Variants in USP32 observed in about 807,000 individuals in gnomAD.
USP32 encodes ubiquitin specific peptidase 32.
USP32 carries 59 observed loss-of-function variants against 204.8 expected under a neutral mutation model. The observed-to-expected ratio is 0.29, with a 90% CI of 0.23 to 0.36. The LOEUF (loss-of-function observed/expected upper bound fraction) is 0.36, where lower values mean the gene tolerates loss of function less well. USP32 is among the 10% of genes least tolerant of loss of function. The pLI is 1.00. For synonymous variants in USP32, 517 were observed against 678.4 expected (o/e 0.76, Z 3.70); for missense variants, 1,160 against 1,946.4 (o/e 0.60, Z 7.60).
chr17:60,303,697 A>G (rs2087646023), intron 2 of USP32, among the ~76,000 whole-genome samples: 3 of 152,210 alleles, frequency 2.0e-5, no homozygotes, highest in Admixed American at 2.0e-4. Context: ...TATATGAAGC[A>G]CTTATGTTTC....
Position 60,226,073 on chromosome 17 carries a change from A to G in USP32, c.1398T>C (p.Ser466=). The G allele has an allele frequency of 6.2e-7, 1 of 1,606,040 alleles. No individual in the cohort carries two copies. Among genetic ancestry groups the G allele is most frequent in the African/African-American group, 1.3e-5 (1 of 74,492 alleles). Residue 466 remains serine, a synonymous_variant, in exon 13 of 34, where the codon TCT becomes TCC. Coordinates refer to ENST00000300896, the MANE Select transcript of USP32 (RefSeq NM_032582.4). ...CAGTTTCTGAGGCTTCAGATGCAGT[A>G]GAAATGTTGTCTGAAAATTTCTCTT... ...TTEEKFSDNI[S]TASEASETAG... is the part of the protein sequence containing the mutation.
At chr17:60,357,701 T>A (rs760865449) in intron 1 of USP32, among the ~76,000 whole-genome samples, 6 of 152,226 alleles carry the variant, frequency 3.9e-5, no homozygotes, top group Admixed American at 6.5e-5. Context: ...TGAAGCTGAA[T>A]TAATCTCTGG....
chr17:60,301,708 GA>G lies in USP32; in HGVS notation c.187-5del. 2.5e-6 allele frequency: 4 copies of G among 1,574,624 alleles called. No individual in the cohort carries two copies. The South Asian group carries it at 3.6e-5, about 14-fold the overall frequency. On this transcript the variant is annotated splice_region_variant and splice_polypyrimidine_tract_variant and intron_variant, in intron 2 of 33. Coordinates refer to ENST00000300896, the MANE Select transcript of USP32 (RefSeq NM_032582.4). The stretch of plus-strand genomic sequence containing the variant: ...CACCAAAAGAACAGTAAATCACCTG[GA>G]AAAAGATGATAAAGCCAACCTTAGG...
At chr17:60,231,114 A>T (rs986976157) in intron 12 of USP32, among the ~76,000 whole-genome samples, 6 of 152,184 alleles carry the variant, frequency 3.9e-5, no homozygotes, top group Non-Finnish European at 8.8e-5. Context: ...ATTTTAATAT[A>T]AGAGAATTTT....
intron 1 of USP32, among the ~76,000 whole-genome samples, chr17:60,389,636 G>A (rs1211110317): frequency 2.0e-5 from 3 of 151,942 alleles, no homozygotes; most frequent in Non-Finnish European, 2.9e-5. Flanking sequence ...AAAGAAGGGG[G>A]CTTCTGGTTT....
chr17:60,183,988 T>A (rs1243444041), intron 30 of USP32, among the ~76,000 whole-genome samples: 3 of 152,276 alleles, frequency 2.0e-5, no homozygotes, highest in Middle Eastern at 3.4e-3. Flanking sequence ...CAATTTTTTT[T>A]AAAAGGTCTA....
intron 2 of USP32, among the ~76,000 whole-genome samples, chr17:60,330,933 T>C (rs755983764): frequency 8.5e-5 from 13 of 152,136 alleles, no homozygotes; most frequent in Admixed American, 3.3e-4. Flanking sequence ...AAGTCAATGG[T>C]AGAACATCAC....
intron 11 of USP32, among the ~76,000 whole-genome samples, chr17:60,250,725 G>T (rs975127057): frequency 1.3e-5 from 2 of 151,958 alleles, no homozygotes; most frequent in African/African-American, 4.8e-5. Context: ...TGAAGTGGAA[G>T]GATCTCTTGA....
intron 10 of USP32, 83 bp downstream of exon 10, chr17:60,255,092 C>T: frequency 2.3e-6 from 2 of 873,862 alleles, no homozygotes; most frequent in Non-Finnish European, 3.4e-6. Flanking sequence ...CTAGATACAA[C>T]AACTCTGGCT....
At chr17:60,344,454 A>G (rs2088736690) in intron 2 of USP32, among the ~76,000 whole-genome samples, 1 of 151,020 alleles carries the variant, frequency 6.6e-6, no homozygotes, top group African/African-American at 2.4e-5. Flanking sequence ...TATAAAATTT[A>G]TTCTTTTTTT....
At chr17:60,208,578 A>G in intron 23 of USP32, 76 bp downstream of exon 23, 1 of 1,442,062 alleles carries the variant, frequency 6.9e-7, no homozygotes, top group South Asian at 1.6e-5. Flanking sequence ...ACAAATAACT[A>G]TGCTTACAAA....
intron 29 of USP32, 32 bp from the exon 30 acceptor site, chr17:60,185,683 G>A (rs1466060411): frequency 2.5e-6 from 4 of 1,587,848 alleles, no homozygotes; most frequent in East Asian, 2.2e-5. Context: ...GGAAAGGGGT[G>A]CGTGGGAAGG....
chr17:60,255,117 A>G (rs1217893689), intron 10 of USP32, 58 bp downstream of exon 10: 17 of 1,291,546 alleles, frequency 1.3e-5, no homozygotes, highest in Non-Finnish European at 1.9e-5. Context: ...TATGATGGAA[A>G]AGATGTAGAA....
chr17:60,251,087 C>T (rs1324089478), intron 11 of USP32, among the ~76,000 whole-genome samples: 7 of 151,812 alleles, frequency 4.6e-5, no homozygotes, highest in African/African-American at 9.7e-5. Flanking sequence ...GGACCACAGG[C>T]GTGTACCACC....
At chr17:60,400,846 C>T (rs2089929605) in intron 1 of USP32, among the ~76,000 whole-genome samples, 1 of 151,980 alleles carries the variant, frequency 6.6e-6, no homozygotes, top group African/African-American at 2.4e-5. Context: ...CATTGGTAGA[C>T]CTAGTCTCTA....
At chr17:60,249,498 G>T (rs745568771) in intron 11 of USP32, 7 of 466,564 alleles carry the variant, frequency 1.5e-5, no homozygotes, top group Non-Finnish European at 2.7e-5. Flanking sequence ...CCCCAAGCTG[G>T]TGATGTCAGT....
Position 60,226,241 on chromosome 17 carries a change from G to A in USP32, c.1240-10C>T, listed in dbSNP as rs371774753. On this transcript the variant is annotated splice_polypyrimidine_tract_variant and intron_variant, in intron 12 of 33. Coordinates refer to ENST00000300896, the MANE Select transcript of USP32 (RefSeq NM_032582.4). ...CCACAGGGTTGGCATCCTAAAATCA[G>A]GAAATCAGAGAATAAGAAGCAAAGT... The A allele has an allele frequency of 2.2e-5, 34 of 1,520,140 alleles. No individual in the cohort carries two copies. The highest frequency in any genetic ancestry group is 2.9e-5 in the Non-Finnish European group (33 of 1,140,932). 94.2% of individuals were successfully genotyped at this position (1,520,140 alleles called of 1,614,324 possible). A position where few individuals can be genotyped will look rare whatever the true frequency, so the allele number is the denominator to read the frequency against.
chr17:60,301,274 G>C (rs1418046036), intron 3 of USP32, among the ~76,000 whole-genome samples: 1 of 152,162 alleles, frequency 6.6e-6, no homozygotes, highest in Non-Finnish European at 1.5e-5. Context: ...GAGCCACCAG[G>C]CTGGTTTCCA....
rs757298442 is a variant in USP32 at position 60,190,692 on chromosome 17, G to A, written c.3522-9C>T. On this transcript the variant is annotated splice_polypyrimidine_tract_variant and intron_variant, in intron 28 of 33. Transcript: ENST00000300896. The stretch of plus-strand genomic sequence containing the variant: ...TACAGCCTCTGCAAAATCTAAAAAG[G>A]GGGAAAAGATCCACAGAGGAAGAAA... 27 of 1,584,908 alleles carry A rather than the reference G, an allele frequency of 1.7e-5. No homozygotes were observed. The highest frequency in any genetic ancestry group is 2.2e-5 in the Non-Finnish European group (26 of 1,172,644).
Sources: gnomAD v4.1 joint callset for allele counts (sites outside exome capture counted in the v4.1 genomes callset) on GRCh38, gnomAD v4.1.1 for gene constraint, MANE v1.5 for transcripts, NCBI Gene and HGNC (gene_info 2026-07-23, HGNC 2026-07-21) for gene names.